Variants in UBASH3B observed in about 807,000 individuals in gnomAD.
UBASH3B encodes ubiquitin associated and SH3 domain containing B, also known as ubiquitin-associated and SH3 domain-containing protein B.
UBASH3B carries 37 observed loss-of-function variants against 83.4 expected under a neutral mutation model. The observed-to-expected ratio is 0.44, with a 90% CI of 0.34 to 0.58. UBASH3B has a LOEUF of 0.58. Among genes scored for constraint, UBASH3B ranks in the 20% least tolerant of loss-of-function variants. The pLI, the probability that UBASH3B is intolerant of heterozygous loss-of-function variation, is 0.01. For missense variants in UBASH3B, 657 were observed against 827.2 expected (o/e 0.79, Z 2.52); for synonymous variants, 304 against 318.3 (o/e 0.96, Z 0.48).
chr11:122,779,416 G>A (rs1860806676), intron 3 of UBASH3B, 81 bp from the exon 4 acceptor site: 2 of 1,502,864 alleles, frequency 1.3e-6, no homozygotes, highest in South Asian at 1.1e-5. Context: ...CAGTCTCTGG[G>A]GAGAGGATGC....
At chr11:122,691,590 A>C (rs1345756462) in intron 1 of UBASH3B, among the ~76,000 whole-genome samples, 2 of 152,228 alleles carry the variant, frequency 1.3e-5, no homozygotes, top group African/African-American at 4.8e-5. Context: ...TAAGGCTTAA[A>C]ATCTTTATTG....
intron 1 of UBASH3B, among the ~76,000 whole-genome samples, chr11:122,682,027 T>C (rs1424581168): frequency 2.6e-5 from 4 of 152,130 alleles, no homozygotes; most frequent in Non-Finnish European, 4.4e-5. Flanking sequence ...CTCCTGTCTG[T>C]TCTCCCTGCC....
rs1019620656 is a variant in UBASH3B, at chr11:122,811,338, A to G, written c.*1452A>G. On this transcript the variant is annotated 3_prime_UTR_variant, in exon 14 of 14. Coordinates refer to ENST00000284273, the MANE Select transcript of UBASH3B (RefSeq NM_032873.5). ...ATGGATCTTTACATGTTGCAGTAAC[A>G]TTGACTATGTTTCAAAACTCAGATG... 5 of 152,550 alleles carry G rather than the reference A, an allele frequency of 3.3e-5. No individual in the cohort carries two copies. Among genetic ancestry groups the G allele is most frequent in the African/African-American group, 1.2e-4 (5 of 41,458 alleles). 9.4% of individuals were successfully genotyped at this position (152,550 alleles called of 1,614,324 possible).
At chr11:122,747,702 T>G (rs963564929) in intron 1 of UBASH3B, among the ~76,000 whole-genome samples, 1 of 152,236 alleles carries the variant, frequency 6.6e-6, no homozygotes, top group Non-Finnish European at 1.5e-5. Context: ...GAAAGCTTTC[T>G]TTATAGAGAC....
In UBASH3B at chr11:122,810,979, A is replaced by T. The variant is rs909876583; in HGVS notation, c.*1093A>T. ...TATAGTAAGTCAGGGAACTAATATA[A>T]ATGATGACAGTCATGGCTGCACTGC... On this transcript the variant is annotated 3_prime_UTR_variant, in exon 14 of 14. Transcript: ENST00000284273. 6 of 152,236 alleles carry T rather than the reference A, an allele frequency of 3.9e-5. No individual in the cohort carries two copies. The highest frequency in any genetic ancestry group is 3.9e-4 in the Admixed American group (6 of 15,276). The allele number at this position is 152,236 out of a possible 1,614,324, so 9.4% of individuals were successfully genotyped here. A position where few individuals can be genotyped will look rare whatever the true frequency, so the allele number is the denominator to read the frequency against.
intron 1 of UBASH3B, among the ~76,000 whole-genome samples, chr11:122,692,537 G>T (rs908756490): frequency 2.0e-5 from 3 of 152,080 alleles, no homozygotes; most frequent in Non-Finnish European, 4.4e-5. Flanking sequence ...GGTGGGAACA[G>T]AGAGGAAGGA....
chr11:122,797,211 G>A (rs1006734429), intron 9 of UBASH3B, 178 bp downstream of exon 9: 3 of 818,614 alleles, frequency 3.7e-6, no homozygotes, highest in Non-Finnish European at 5.4e-6. Context: ...TCAGCCCTGG[G>A]TTGGTTGACC....
intron 5 of UBASH3B, among the ~76,000 whole-genome samples, chr11:122,783,855 A>G (rs1860899691): frequency 6.6e-6 from 1 of 152,076 alleles, no homozygotes; most frequent in African/African-American, 2.4e-5. Flanking sequence ...AAGAAGAAAG[A>G]TTGGTACACC....
chr11:122,692,526 T>C (rs899404635), intron 1 of UBASH3B, among the ~76,000 whole-genome samples: 1 of 152,136 alleles, frequency 6.6e-6, no homozygotes, highest in Non-Finnish European at 1.5e-5. Context: ...TCAGGGGGTA[T>C]GGTGGGAACA....
intron 1 of UBASH3B, among the ~76,000 whole-genome samples, chr11:122,680,174 C>T (rs1863720189): frequency 6.6e-6 from 1 of 152,208 alleles, no homozygotes; most frequent in Non-Finnish European, 1.5e-5. Flanking sequence ...TCTTAGCTCA[C>T]AGGCTGTACA....
At chr11:122,725,342 A>AAAAAAAAG (rs71281633) in intron 1 of UBASH3B, among the ~76,000 whole-genome samples, 27,529 of 129,714 alleles carry the variant, frequency 0.21, 3,089 homozygotes, top group East Asian at 0.36. Flanking sequence ...AAAAAAAAAA[A>AAAAAAAAG]AAGAAAAGAA....
At chr11:122,757,037 T>C (rs1861292926) in intron 1 of UBASH3B, among the ~76,000 whole-genome samples, 1 of 152,226 alleles carries the variant, frequency 6.6e-6, no homozygotes. Flanking sequence ...GTGAGCATCG[T>C]ATCCTAAATA....
chr11:122,757,986 G>A (rs1349041692), intron 1 of UBASH3B, among the ~76,000 whole-genome samples: 3 of 152,048 alleles, frequency 2.0e-5, no homozygotes, highest in South Asian at 4.1e-4. Context: ...GATTACAGGC[G>A]TGAGCCACCG....
At chr11:122,659,856 TG>T (rs1863413088) in intron 1 of UBASH3B, among the ~76,000 whole-genome samples, 1 of 151,648 alleles carries the variant, frequency 6.6e-6, no homozygotes, top group Admixed American at 6.6e-5. Flanking sequence ...CCCCTATGGG[TG>T]TAACTGGGTC....
intron 5 of UBASH3B, 79 bp from the exon 6 acceptor site, chr11:122,789,021 A>G (rs1156632520): frequency 2.2e-6 from 3 of 1,350,748 alleles, no homozygotes; most frequent in Non-Finnish European, 3.1e-6. Flanking sequence ...GTATTAATGC[A>G]GAACATACAG....
intron 1 of UBASH3B, among the ~76,000 whole-genome samples, chr11:122,722,188 C>T (rs191725146): frequency 6.6e-6 from 1 of 152,340 alleles, no homozygotes; most frequent in African/African-American, 2.4e-5. Flanking sequence ...TAGTGACCAG[C>T]TGAAGGCTGC....
chr11:122,689,090 G>A (rs1350320839), intron 1 of UBASH3B, among the ~76,000 whole-genome samples: 2 of 151,820 alleles, frequency 1.3e-5, no homozygotes, highest in Non-Finnish European at 2.9e-5. Flanking sequence ...GTGAGCCACC[G>A]CGCCTGGCCA....
intron 1 of UBASH3B, among the ~76,000 whole-genome samples, chr11:122,751,049 G>A (rs1225598740): frequency 6.6e-6 from 1 of 152,214 alleles, no homozygotes; most frequent in Non-Finnish European, 1.5e-5. Context: ...TGTACCTGCA[G>A]GTAGGCGGAA....
At chr11:122,687,307 G>A (rs1005269522) in intron 1 of UBASH3B, among the ~76,000 whole-genome samples, 27 of 152,208 alleles carry the variant, frequency 1.8e-4, no homozygotes, top group Non-Finnish European at 3.7e-4. Context: ...ATACATATAA[G>A]GTCACGGTAT....
Sources: allele counts gnomAD v4.1 joint callset (sites outside exome capture counted in the v4.1 genomes callset), GRCh38; gene constraint gnomAD v4.1.1; transcripts MANE v1.5; gene names NCBI Gene and HGNC (gene_info 2026-07-23, HGNC 2026-07-21).